Variants in NIPBL observed in about 807,000 individuals in gnomAD.
The protein encoded by NIPBL is nipped-B-like protein.
A neutral mutation model predicts 321.8 loss-of-function variants in NIPBL; 19 were observed. The observed-to-expected ratio is 0.06, with a 90% confidence interval of 0.04 to 0.09. NIPBL has a LOEUF of 0.09. NIPBL is among the 10% of genes least tolerant of loss of function. The pLI, the probability that NIPBL is intolerant of heterozygous loss-of-function variation, is 1.00. For missense variants in NIPBL, 2,210 were observed against 3,327.0 expected (o/e 0.66, Z 8.26); for synonymous variants, 1,106 against 1,114.1 (o/e 0.99, Z 0.14).
intron 15 of NIPBL, 123 bp from the exon 16 acceptor site, chr5:37,003,138 C>T: frequency 3.3e-6 from 2 of 612,302 alleles, no homozygotes; most frequent in Non-Finnish European, 5.8e-6. Context: ...AGTTTTCTTA[C>T]TCTTTAAGAG....
chr5:36,899,750 G>A (rs1747059903), intron 1 of NIPBL, among the ~76,000 whole-genome samples: 1 of 152,160 alleles, frequency 6.6e-6, no homozygotes, highest in African/African-American at 2.4e-5. Flanking sequence ...TATACACAGA[G>A]TTAAAAACCT....
chr5:36,952,082 G>C (rs538734888), intron 1 of NIPBL, among the ~76,000 whole-genome samples: 243 of 149,996 alleles, frequency 1.6e-3, no homozygotes, highest in African/African-American at 5.7e-3. Flanking sequence ...GCATGTGTGT[G>C]TGTAGCAGTT....
At chr5:36,945,676 G>A (rs1202262296) in intron 1 of NIPBL, among the ~76,000 whole-genome samples, 4 of 152,166 alleles carry the variant, frequency 2.6e-5, no homozygotes, top group Non-Finnish European at 5.9e-5. Context: ...AAATTTATTG[G>A]AAGTAATTTG....
chr5:36,900,530 G>A (rs1029673122), intron 1 of NIPBL, among the ~76,000 whole-genome samples: 7 of 152,088 alleles, frequency 4.6e-5, no homozygotes, highest in African/African-American at 1.7e-4. Context: ...GAGCAATTCA[G>A]TCAACATAAT....
chr5:36,916,950 G>A (rs541602680), intron 1 of NIPBL, among the ~76,000 whole-genome samples: 82 of 152,082 alleles, frequency 5.4e-4, no homozygotes, highest in Non-Finnish European at 9.3e-4. Flanking sequence ...GAATAGTGCC[G>A]CAATAAACAT....
chr5:37,035,790 A>C (rs73750919), intron 32 of NIPBL, among the ~76,000 whole-genome samples: 2 of 152,142 alleles, frequency 1.3e-5, no homozygotes, highest in African/African-American at 4.8e-5. Context: ...AGGAAAACAG[A>C]TATACCTTAT....
At chr5:37,027,760 A>G (rs1750473912) in intron 32 of NIPBL, among the ~76,000 whole-genome samples, 1 of 151,834 alleles carries the variant, frequency 6.6e-6, no homozygotes, top group South Asian at 2.1e-4. Context: ...CTAGGATTAC[A>G]GGTGTCCACC....
chr5:37,064,965 G>A lies in NIPBL; in HGVS notation c.*73G>A. 1.3e-6 allele frequency: 2 copies of A among 1,572,630 alleles called. No homozygotes were observed. The highest frequency in any genetic ancestry group is 1.8e-5 in the Admixed American group (1 of 55,648). ...GAAAAACTTGAAATACCAACATTCT[G>A]GCAAAAAAAAATCAGTTTTATGAAG... On this transcript the variant is annotated 3_prime_UTR_variant, in exon 47 of 47. Coordinates refer to ENST00000282516, the MANE Select transcript of NIPBL (RefSeq NM_133433.4).
chr5:36,991,393 T>G (rs1210642566), intron 10 of NIPBL, among the ~76,000 whole-genome samples: 6 of 152,122 alleles, frequency 3.9e-5, no homozygotes, highest in African/African-American at 1.4e-4. Context: ...AATTTCTAAT[T>G]GAATTGAATT....
chr5:37,036,499 T>C lies in NIPBL; in HGVS notation c.5971+12T>C. On this transcript the variant is annotated intron_variant, in intron 33 of 46. Transcript: ENST00000282516. ...GGAATCTCTAGCTGGTAAGACATTT[T>C]ATATATATATTGATCTTTAGTTGAT... The C allele has an allele frequency of 9.4e-7, 1 of 1,062,928 alleles. No homozygotes were observed. The highest frequency in any genetic ancestry group is 1.3e-6 in the Non-Finnish European group (1 of 740,774). The allele number at this position is 1,062,928 out of a possible 1,614,324, so 65.8% of individuals were successfully genotyped here.
At chr5:36,961,969 G>C (rs1212304206) in intron 5 of NIPBL, among the ~76,000 whole-genome samples, 154 bp from the exon 6 acceptor site, 2 of 152,076 alleles carry the variant, frequency 1.3e-5, no homozygotes, top group East Asian at 3.8e-4. Context: ...AACAATTTTT[G>C]TATGTTATTT....
At chr5:36,948,818 CTAAATGTGGT>C (rs1739967372) in intron 1 of NIPBL, among the ~76,000 whole-genome samples, 3 of 151,750 alleles carry the variant, frequency 2.0e-5, no homozygotes, top group Non-Finnish European at 3.0e-5. Context: ...GAATCACATA[CTAAATGTGGT>C]TATAAAGTAA....
rs751164130 is a variant in NIPBL, at chr5:37,064,012, C to T, written c.8049+34C>T. 3 of 1,608,138 alleles carry T rather than the reference C, an allele frequency of 1.9e-6. No individual in the cohort carries two copies. The highest frequency in any genetic ancestry group is 1.1e-5 in the South Asian group (1 of 89,668). On this transcript the variant is annotated intron_variant, in intron 46 of 46. Transcript: ENST00000282516. ...GAGGAGGAGTCAACGTATTTCGCAG[C>T]GTATTACGTAAAATGATTTTTATGT...
At chr5:36,901,241 C>T (rs1747186115) in intron 1 of NIPBL, among the ~76,000 whole-genome samples, 1 of 152,170 alleles carries the variant, frequency 6.6e-6, no homozygotes, top group Non-Finnish European at 1.5e-5. Flanking sequence ...ATAATGGCCT[C>T]CAGCTGCCTC....
intron 40 of NIPBL, chr5:37,051,439 A>T (rs1278701489): frequency 4.1e-6 from 1 of 246,030 alleles, no homozygotes; most frequent in Non-Finnish European, 7.7e-6. Flanking sequence ...AATTCAGTCA[A>T]GCTTTAAAAA....
intron 1 of NIPBL, among the ~76,000 whole-genome samples, chr5:36,890,508 T>C (rs1306610017): frequency 6.6e-6 from 1 of 152,260 alleles, no homozygotes; most frequent in Non-Finnish European, 1.5e-5. Context: ...TTCCCACTAT[T>C]GTGCCTGTGG....
In NIPBL at chr5:37,000,977, T is replaced by A; in HGVS notation, c.3575-12T>A. 1.9e-6 allele frequency: 3 copies of A among 1,602,556 alleles called. No individual in the cohort carries two copies. The highest frequency in any genetic ancestry group is 2.6e-6 in the Non-Finnish European group (3 of 1,169,878). Reference sequence around the variant, plus strand: ...AATGTGAGAATAATGAATATATTTTTCTCTCTTGCAGAAATGATGGACTCT... The same window carrying A: ...AATGTGAGAATAATGAATATATTTTACTCTCTTGCAGAAATGATGGACTCT... On this transcript the variant is annotated splice_polypyrimidine_tract_variant and intron_variant, in intron 13 of 46. Transcript: ENST00000282516.
chr5:37,043,399 G>A (rs1216896200), intron 34 of NIPBL, among the ~76,000 whole-genome samples: 1 of 151,840 alleles, frequency 6.6e-6, no homozygotes, highest in Non-Finnish European at 1.5e-5. Flanking sequence ...ATGGTGGTGG[G>A]CGCCTGTAAT....
chr5:37,059,359 T>C (rs1754424207), intron 44 of NIPBL, among the ~76,000 whole-genome samples, 194 bp downstream of exon 44: 1 of 152,014 alleles, frequency 6.6e-6, no homozygotes, highest in South Asian at 2.1e-4. Context: ...ATACAAAAAT[T>C]AGCCTAGTGT....
Sources: allele counts gnomAD v4.1 joint callset (sites outside exome capture counted in the v4.1 genomes callset), GRCh38; gene constraint gnomAD v4.1.1; transcripts MANE v1.5; gene names NCBI Gene and HGNC (gene_info 2026-07-23, HGNC 2026-07-21).